IFT81: variants seen among roughly 807,000 people sequenced by gnomAD.
IFT81 encodes the protein intraflagellar transport protein 81 homolog.
In IFT81, 72 loss-of-function variants were observed where a neutral mutation model predicts 102.6. That is an observed-to-expected ratio of 0.70 (90% CI 0.58 to 0.85). The LOEUF (loss-of-function observed/expected upper bound fraction) is 0.85. IFT81 is among the 40% of genes least tolerant of loss of function. The pLI, the probability that IFT81 is intolerant of heterozygous loss-of-function variation, is 0.00. For synonymous variants in IFT81, 237 were observed against 242.7 expected (o/e 0.98, Z 0.22); for missense variants, 723 against 787.3 (o/e 0.92, Z 0.98).
At chr12:110,207,284 T>G (rs1276935952) in intron 17 of IFT81, among the ~76,000 whole-genome samples, 1 of 152,100 alleles carries the variant, frequency 6.6e-6, no homozygotes, top group Non-Finnish European at 1.5e-5. Flanking sequence ...GGTCTCAAAC[T>G]CCTGACCTCA....
In IFT81 at chr12:110,146,996, A is replaced by C; in HGVS notation, c.989A>C (p.Lys330Thr). 6.2e-7 allele frequency: 1 copy of C among 1,611,902 alleles called. No individual in the cohort carries two copies. Residue 330 changes from lysine (K) to threonine (T), a missense_variant, in exon 10 of 19, where the codon AAA becomes ACA. Transcript: ENST00000242591. ...GAAATTAACCAGTTGATTGAAAAGA[A>C]AATGATGAGAAATGAGCCCATTGAA... is the stretch of plus-strand genomic sequence containing the variant. The part of the protein sequence containing the change: ...NTEINQLIEK[K>T]MMRNEPIEGK...
intron 11 of IFT81, among the ~76,000 whole-genome samples, chr12:110,173,312 G>C (rs574028528): frequency 2.0e-5 from 3 of 147,762 alleles, no homozygotes; most frequent in Non-Finnish European, 3.0e-5. Flanking sequence ...CTCTCTGCCC[G>C]GCCAGCCACC....
intron 17 of IFT81, among the ~76,000 whole-genome samples, chr12:110,206,027 T>C (rs1169878742): frequency 6.6e-6 from 1 of 152,192 alleles, no homozygotes; most frequent in African/African-American, 2.4e-5. Context: ...AAACAAAAAC[T>C]CTTGTAACCA....
intron 18 of IFT81, among the ~76,000 whole-genome samples, chr12:110,215,358 C>T (rs2137618514): frequency 6.6e-6 from 1 of 151,656 alleles, no homozygotes; most frequent in South Asian, 2.1e-4. Flanking sequence ...TGCACTTTCA[C>T]CTTCTCTACC....
intron 11 of IFT81, chr12:110,167,861 TTTTC>T: frequency 3.4e-6 from 1 of 296,424 alleles, no homozygotes; most frequent in Non-Finnish European, 6.5e-6. Flanking sequence ...TTTTTTTTTT[TTTTC>T]CCCAGAGACA....
chr12:110,124,991 G>T (rs1893744646), intron 1 of IFT81, 130 bp downstream of exon 1: 1 of 152,196 alleles, frequency 6.6e-6, no homozygotes, highest in African/African-American at 2.4e-5. Flanking sequence ...TGTCCTTATC[G>T]AGTGACCATT....
intron 12 of IFT81, 141 bp downstream of exon 12, chr12:110,180,712 T>C: frequency 1.8e-6 from 1 of 544,610 alleles, no homozygotes; most frequent in Non-Finnish European, 3.0e-6. Flanking sequence ...ACATGACATA[T>C]AAGTTGATTC....
chr12:110,205,371 A>T, intron 15 of IFT81, 72 bp from the exon 16 acceptor site: 1 of 1,480,416 alleles, frequency 6.8e-7, no homozygotes, highest in Non-Finnish European at 9.0e-7. Flanking sequence ...TTTGTTGTAC[A>T]TCTAAAGTCA....
intron 8 of IFT81, 124 bp from the exon 9 acceptor site, chr12:110,143,258 C>A: frequency 2.2e-6 from 1 of 446,650 alleles, no homozygotes; most frequent in Non-Finnish European, 3.5e-6. Context: ...TTGTACTATG[C>A]TATATATTAT....
In IFT81 at chr12:110,190,262, A is replaced by ACC. The variant is rs1897731069; in HGVS notation, c.1339-654_1339-653dup. ...CTGAACCCCATGTAACCCCTCCTTCACCCCCACCTTATTCTCACTGCACCT... is the reference window on the plus strand; with the variant it reads ...CTGAACCCCATGTAACCCCTCCTTCACCCCCCCACCTTATTCTCACTGCACCT... On this transcript the variant is annotated intron_variant, in intron 12 of 18. Coordinates refer to ENST00000242591, the MANE Select transcript of IFT81 (RefSeq NM_014055.4). 2.6e-5 allele frequency among the ~76,000 whole-genome samples: 4 copies of ACC among 151,648 alleles called. No homozygotes were observed. In the South Asian group the frequency reaches 8.4e-4, roughly 32 times the overall value.
chr12:110,197,244 GTAGGTAGATAGA>G (rs1315412485), intron 14 of IFT81, among the ~76,000 whole-genome samples: 1 of 134,772 alleles, frequency 7.4e-6, no homozygotes, highest in Non-Finnish European at 1.6e-5. Context: ...AGATAGGTAG[GTAGGTAGATAGA>G]TAGATAGATA....
chr12:110,132,076 C>T (rs1185290334), intron 4 of IFT81, among the ~76,000 whole-genome samples: 1 of 152,038 alleles, frequency 6.6e-6, no homozygotes, highest in Non-Finnish European at 1.5e-5. Flanking sequence ...CTTTTTTGTA[C>T]CCTATATAAA....
At chr12:110,213,634 C>T (rs1869739769) in intron 18 of IFT81, among the ~76,000 whole-genome samples, 1 of 152,034 alleles carries the variant, frequency 6.6e-6, no homozygotes, top group African/African-American at 2.4e-5. Flanking sequence ...GCAACTTCTC[C>T]TTATCTTCTG....
chr12:110,177,202 G>A (rs1003784387), intron 11 of IFT81, among the ~76,000 whole-genome samples: 5 of 152,318 alleles, frequency 3.3e-5, no homozygotes, highest in African/African-American at 1.2e-4. Context: ...ATCATGGATA[G>A]AAAAATATTT....
chr12:110,141,404 G>A (rs1894883528), intron 8 of IFT81, among the ~76,000 whole-genome samples: 1 of 152,198 alleles, frequency 6.6e-6, no homozygotes. Flanking sequence ...AGAAGGAATA[G>A]TGAAGTAATG....
rs571495485 is a variant in IFT81, at chr12:110,124,492, G to A, written c.-391G>A. The A allele has an allele frequency of 6.6e-6, 1 of 152,138 alleles. No individual in the cohort carries two copies. The highest frequency in any genetic ancestry group is 6.5e-5 in the Admixed American group (1 of 15,290). The allele number at this position is 152,138 out of a possible 1,614,324, so 9.4% of individuals were successfully genotyped here. On this transcript the variant is annotated 5_prime_UTR_variant, in exon 1 of 19. Transcript: ENST00000242591. ...GAAGCTCCTCTGAACCCCGAAATAGGAGAGAGCTCCCGTCCTCTCTCGGTC... is the reference window on the plus strand; with the variant it reads ...GAAGCTCCTCTGAACCCCGAAATAGAAGAGAGCTCCCGTCCTCTCTCGGTC...
At chr12:110,125,990 C>G (rs1247242148) in intron 1 of IFT81, among the ~76,000 whole-genome samples, 1 of 152,124 alleles carries the variant, frequency 6.6e-6, no homozygotes, top group African/African-American at 2.4e-5. Context: ...AGAACTAGCA[C>G]AAGATCGGCC....
In IFT81 at chr12:110,203,846, T is replaced by G. The variant is rs1253304160; in HGVS notation, c.1558-18T>G. ...CTTTGTTTTTCACTTATTCAATCAT[T>G]TTCCCTTTTTATACTAGGAACTGAC... On this transcript the variant is annotated intron_variant, in intron 14 of 18. Transcript: ENST00000242591. The G allele has an allele frequency of 2.6e-6, 4 of 1,553,860 alleles. No homozygotes were observed. The highest frequency in any genetic ancestry group is 3.6e-6 in the Non-Finnish European group (4 of 1,125,428).
chr12:110,203,955 G>A lies in IFT81; in HGVS notation c.1644+5G>A. The A allele has an allele frequency of 6.3e-7, 1 of 1,596,482 alleles. No individual in the cohort carries two copies. Among genetic ancestry groups the A allele is most frequent in the Non-Finnish European group, 8.6e-7 (1 of 1,166,590 alleles). On this transcript the variant is annotated splice_donor_5th_base_variant and intron_variant, in intron 15 of 18. Coordinates refer to ENST00000242591, the MANE Select transcript of IFT81 (RefSeq NM_014055.4). The stretch of plus-strand genomic sequence containing the variant: ...AATCGGTCCAAATTAGAACAGGTAA[G>A]AAGAGAGTTTTTATTTTAACAATTT...
Sources: allele counts gnomAD v4.1 joint callset (sites outside exome capture counted in the v4.1 genomes callset), GRCh38; gene constraint gnomAD v4.1.1; transcripts MANE v1.5; gene names NCBI Gene and HGNC (gene_info 2026-07-23, HGNC 2026-07-21).